Variants in EPHA6 observed in about 807,000 individuals in gnomAD.
The protein encoded by EPHA6 is EPH receptor A6.
A neutral mutation model predicts 112.0 loss-of-function variants in EPHA6; 50 were observed. The observed-to-expected ratio is 0.45, with a 90% CI of 0.36 to 0.56. The LOEUF (loss-of-function observed/expected upper bound fraction) is 0.56, where lower values mean the gene tolerates loss of function less well. Among genes scored for constraint, EPHA6 ranks in the 20% least tolerant of loss-of-function variants. The probability of loss-of-function intolerance (pLI) is 0.00; values close to 1 mark genes in which losing one functional copy is unlikely to be tolerated. For synonymous variants in EPHA6, 529 were observed against 490.7 expected, an observed-to-expected ratio of 1.08 and a Z score of -1.03; for missense variants, 1,280 against 1,417.4, an observed-to-expected ratio of 0.90 and a Z score of 1.56.
chr3:96,879,359 A>G (rs1483466912), intron 2 of EPHA6, among the ~76,000 whole-genome samples: 2 of 152,114 alleles, frequency 1.3e-5, no homozygotes, highest in Non-Finnish European at 2.9e-5. Flanking sequence ...CACATCAAAA[A>G]CACACACTTT....
At chr3:97,382,465 G>T (rs1383865260) in intron 5 of EPHA6, among the ~76,000 whole-genome samples, 1 of 152,010 alleles carries the variant, frequency 6.6e-6, no homozygotes, top group Non-Finnish European at 1.5e-5. Context: ...GAAGTAAGTG[G>T]TTTATTTTTT....
chr3:97,157,650 A>G (rs2108391179), intron 3 of EPHA6, among the ~76,000 whole-genome samples: 1 of 152,214 alleles, frequency 6.6e-6, no homozygotes, highest in African/African-American at 2.4e-5. Flanking sequence ...TGTAAATTCC[A>G]GTGTGAAAGC....
chr3:97,389,165 A>T (rs191887289), intron 5 of EPHA6, among the ~76,000 whole-genome samples: 3 of 152,306 alleles, frequency 2.0e-5, no homozygotes, highest in African/African-American at 7.2e-5. Flanking sequence ...TGGTCTCTCA[A>T]TTCAAAGCAG....
intron 5 of EPHA6, among the ~76,000 whole-genome samples, chr3:97,331,507 C>T (rs2082797175): frequency 6.6e-6 from 1 of 151,610 alleles, no homozygotes; most frequent in African/African-American, 2.4e-5. Context: ...GCTAGCAAGA[C>T]TAATAAGAAA....
In EPHA6 at chr3:96,907,319, T is replaced by G. The variant is rs182285047; in HGVS notation, c.450+40430T>G. Among the ~76,000 whole-genome samples the G allele has an allele frequency of 5.3e-4, 80 of 151,986 alleles. 2 individuals are homozygous for G. The East Asian group carries it at 0.011, about 21-fold the overall frequency. ...GGGCTGTTAAAGGTGTCATTTATTATATACCCCACTGAAAAGAATGTTCAC... is the reference window on the plus strand; with the variant it reads ...GGGCTGTTAAAGGTGTCATTTATTAGATACCCCACTGAAAAGAATGTTCAC... On this transcript the variant is annotated intron_variant, in intron 2 of 17. Coordinates refer to ENST00000389672, the MANE Select transcript of EPHA6 (RefSeq NM_001080448.3).
At chr3:97,165,223 A>T (rs541266605) in intron 3 of EPHA6, among the ~76,000 whole-genome samples, 1 of 152,182 alleles carries the variant, frequency 6.6e-6, no homozygotes, top group East Asian at 1.9e-4. Flanking sequence ...TTCCTTGGAG[A>T]TACCACCTAT....
At chr3:97,363,151 T>G (rs2084468523) in intron 5 of EPHA6, among the ~76,000 whole-genome samples, 1 of 102,946 alleles carries the variant, frequency 9.7e-6, no homozygotes, top group African/African-American at 4.1e-5. Context: ...AAAGCCATAA[T>G]TATGCCACAT....
At chr3:97,339,030 A>G (rs978818884) in intron 5 of EPHA6, among the ~76,000 whole-genome samples, 1 of 152,296 alleles carries the variant, frequency 6.6e-6, no homozygotes, top group East Asian at 1.9e-4. Context: ...GTCTTAAGTC[A>G]TCTCTGCTTA....
At chr3:97,411,311 G>T (rs1006562169) in intron 6 of EPHA6, among the ~76,000 whole-genome samples, 1 of 151,976 alleles carries the variant, frequency 6.6e-6, no homozygotes, top group African/African-American at 2.4e-5. Context: ...GCAAGACTCT[G>T]ACTGGGGCCA....
chr3:97,028,476 G>A (rs948633217), intron 3 of EPHA6, among the ~76,000 whole-genome samples: 5 of 151,992 alleles, frequency 3.3e-5, no homozygotes, highest in African/African-American at 7.2e-5. Flanking sequence ...TTACAGTTGC[G>A]ATTACTTAAA....
At chr3:97,672,648 A>G (rs2030964169) in intron 14 of EPHA6, among the ~76,000 whole-genome samples, 1 of 152,066 alleles carries the variant, frequency 6.6e-6, no homozygotes, top group Admixed American at 6.6e-5. Flanking sequence ...AAGGACAGAG[A>G]AGAAGGAAAG....
intron 5 of EPHA6, among the ~76,000 whole-genome samples, chr3:97,257,927 G>A (rs1268585729): frequency 6.6e-6 from 1 of 151,818 alleles, no homozygotes; most frequent in African/African-American, 2.4e-5. Flanking sequence ...GTACACACAT[G>A]GTCATAAGGA....
chr3:97,498,999 G>A lies in EPHA6; in HGVS notation c.2200+14940G>A, dbSNP rs1370453. ...TTGAAGGATGACAGATTTCCATTACGATTATAGAAACTTTTAATTTATTTC... is the reference window on the plus strand; with the variant it reads ...TTGAAGGATGACAGATTTCCATTACAATTATAGAAACTTTTAATTTATTTC... On this transcript the variant is annotated intron_variant, in intron 10 of 17. Coordinates refer to ENST00000389672, the MANE Select transcript of EPHA6 (RefSeq NM_001080448.3). Among the ~76,000 whole-genome samples, 526 of 152,246 alleles carry A rather than the reference G, an allele frequency of 3.5e-3. 3 individuals are homozygous for A. Among genetic ancestry groups the A allele is most frequent in the African/African-American group, 0.012 (494 of 41,530 alleles).
chr3:96,855,444 G>A (rs1464941319), intron 1 of EPHA6, among the ~76,000 whole-genome samples: 1 of 152,058 alleles, frequency 6.6e-6, no homozygotes, highest in Non-Finnish European at 1.5e-5. Flanking sequence ...TAGGATATTG[G>A]TTCACAATTT....
chr3:96,831,789 T>C (rs2034099363), intron 1 of EPHA6, among the ~76,000 whole-genome samples: 1 of 152,106 alleles, frequency 6.6e-6, no homozygotes, highest in South Asian at 2.1e-4. Flanking sequence ...ATAAATTACT[T>C]ATAAGATATT....
intron 5 of EPHA6, among the ~76,000 whole-genome samples, chr3:97,396,215 T>C (rs1279873814): frequency 6.6e-6 from 1 of 151,198 alleles, no homozygotes; most frequent in African/African-American, 2.4e-5. Context: ...CATGTGTATA[T>C]GAGTGTGCTC....
At chr3:97,577,812 TTTTTC>T (rs2093401523) in intron 11 of EPHA6, among the ~76,000 whole-genome samples, 3 of 151,096 alleles carry the variant, frequency 2.0e-5, no homozygotes, top group Admixed American at 6.6e-5. Flanking sequence ...TTTGTTTTTG[TTTTTC>T]TTGGTTTTTT....
chr3:97,666,959 G>T (rs2030190576), intron 14 of EPHA6, among the ~76,000 whole-genome samples: 1 of 152,196 alleles, frequency 6.6e-6, no homozygotes, highest in East Asian at 1.9e-4. Context: ...GTGTACTGTT[G>T]TCATATGCCC....
chr3:97,536,492 A>G (rs2092766301), intron 11 of EPHA6, among the ~76,000 whole-genome samples: 2 of 152,198 alleles, frequency 1.3e-5, no homozygotes, highest in South Asian at 2.1e-4. Flanking sequence ...ATTCCCAAAC[A>G]TAATTTCATT....
Sources: allele counts gnomAD v4.1 joint callset (sites outside exome capture counted in the v4.1 genomes callset), GRCh38; gene constraint gnomAD v4.1.1; transcripts MANE v1.5; gene names NCBI Gene and HGNC (gene_info 2026-07-23, HGNC 2026-07-21).